PCDHB7: variants seen among roughly 807,000 people sequenced by gnomAD.
PCDHB7 encodes the protein protocadherin beta 7, also known as protocadherin beta-7.
For synonymous variants in PCDHB7, 542 were observed against 463.1 expected (o/e 1.17, Z -2.19); for missense variants, 1,148 against 1,011.6 (o/e 1.13, Z -1.83).
rs1753380773 is a variant in PCDHB7 at position 141,176,312 on chromosome 5, A to C, written c.*1095A>C. 1 of 167,270 alleles carries C rather than the reference A, an allele frequency of 6.0e-6. No individual in the cohort carries two copies. The highest frequency in any genetic ancestry group is 1.5e-5 in the Non-Finnish European group (1 of 68,130). 10.4% of individuals were successfully genotyped at this position (167,270 alleles called of 1,614,324 possible). A position where few individuals can be genotyped will look rare whatever the true frequency, so the allele number is the denominator to read the frequency against. ...AAAGAATAGTTAGTTTTAAATGCAT[A>C]ATATCAAAGAGAATCATAGATGATC... On this transcript the variant is annotated 3_prime_UTR_variant, in exon 1 of 1. Coordinates refer to ENST00000231137, the MANE Select transcript of PCDHB7 (RefSeq NM_018940.4).
chr5:141,173,141 T>A lies in PCDHB7; in HGVS notation c.306T>A (p.Cys102Ter). 6.2e-7 allele frequency: 1 copy of A among 1,614,184 alleles called. No homozygotes were observed. The highest frequency in any genetic ancestry group is 2.2e-5 in the East Asian group (1 of 44,888). ...REELCGPREP[C>*]VLPFQLLLEK... is the part of the protein sequence containing the mutation. The stretch of plus-strand genomic sequence containing the variant: ...AACTGTGTGGCCCCAGAGAGCCCTG[T>A]GTGCTGCCTTTCCAGTTGTTATTGG... The change falls in exon 1 of 1, where the codon TGT becomes TGA. Residue 102 changes from cysteine (C) to a stop codon, truncating the protein, a stop_gained. Transcript: ENST00000231137. LOFTEE classifies it low-confidence loss of function (END_TRUNC).
In PCDHB7 at chr5:141,173,706, A is replaced by T. The variant is rs1239021035; in HGVS notation, c.871A>T (p.Thr291Ser). Residue 291 changes from threonine (T) to serine (S), a missense_variant, in exon 1 of 1, where the codon ACG becomes TCG. By Grantham distance (58) the Thr-to-Ser change is moderately conservative (BLOSUM62 1). Transcript: ENST00000231137. ...FSYATERILKTFQINPTSGSL... is the reference protein window; with the variant it reads ...FSYATERILKSFQINPTSGSL... Reference sequence around the variant, plus strand: ...TTACGCCACTGAAAGAATTCTCAAAACGTTTCAAATCAATCCAACATCTGG... The same window carrying T: ...TTACGCCACTGAAAGAATTCTCAAATCGTTTCAAATCAATCCAACATCTGG... 6.2e-7 allele frequency: 1 copy of T among 1,614,072 alleles called. No individual in the cohort carries two copies. The highest frequency in any genetic ancestry group is 8.5e-7 in the Non-Finnish European group (1 of 1,179,976).
Position 141,173,810 on chromosome 5 carries a change from C to T in PCDHB7, c.975C>T (p.Gly325=), listed in dbSNP as rs377301268. Residue 325 remains glycine, a synonymous_variant, in exon 1 of 1, where the codon GGC becomes GGT. Transcript: ENST00000231137. The part of the protein sequence containing the change: ...YTLTIQAKDG[G]GLSGKCTVVV... Reference sequence around the variant, plus strand: ...TAACTATTCAGGCCAAAGACGGCGGCGGGCTTTCTGGAAAATGCACTGTAG... The same window carrying T: ...TAACTATTCAGGCCAAAGACGGCGGTGGGCTTTCTGGAAAATGCACTGTAG... The T allele has an allele frequency of 6.2e-7, 1 of 1,614,182 alleles. No individual in the cohort carries two copies. Among genetic ancestry groups the T allele is most frequent in the Non-Finnish European group, 8.5e-7 (1 of 1,180,038 alleles).
Position 141,174,800 on chromosome 5 carries a change from C to A in PCDHB7, c.1965C>A (p.Thr655=), listed in dbSNP as rs17844474. 2.7e-5 allele frequency: 43 copies of A among 1,611,472 alleles called. No homozygotes were observed. In the East Asian group the frequency reaches 4.2e-4, roughly 16 times the overall value. The change falls in exon 1 of 1, where the codon ACC becomes ACA. Residue 655 remains threonine (T), a synonymous_variant. Coordinates refer to ENST00000231137, the MANE Select transcript of PCDHB7 (RefSeq NM_018940.4). The stretch of plus-strand genomic sequence containing the variant: ...ATGGCGAGCCTCCGCGCTCGGCCAC[C>A]GCCACGCTGCACGTGCTCCTGGTGG... ...KDNGEPPRSA[T]ATLHVLLVDG...
rs201552339 is a variant in PCDHB7 at position 141,173,850 on chromosome 5, G to A, written c.1015G>A (p.Asp339Asn). The A allele has an allele frequency of 1.9e-6, 3 of 1,614,100 alleles. No individual in the cohort carries two copies. The Admixed American group carries it at 5.0e-5, about 27-fold the overall frequency. Residue 339 changes from aspartate to asparagine, a missense_variant, in exon 1 of 1, where the codon GAT (aspartate) becomes AAT (asparagine). Physicochemically the swap from Asp to Asn is conservative, Grantham distance 23. Coordinates refer to ENST00000231137, the MANE Select transcript of PCDHB7 (RefSeq NM_018940.4). ...GKCTVVVDVT[D>N]INDNRPELLL... ...ATGCACTGTAGTGGTTGATGTAACA[G>A]ATATAAACGATAATCGACCCGAGCT... is the stretch of plus-strand genomic sequence containing the variant.
chr5:141,173,982 T>C lies in PCDHB7; in HGVS notation c.1147T>C (p.Cys383Arg). 2 of 1,614,128 alleles carry C rather than the reference T, an allele frequency of 1.2e-6. No homozygotes were observed. Among genetic ancestry groups the C allele is most frequent in the South Asian group, 2.2e-5 (2 of 91,068 alleles). Residue 383 changes from cysteine to arginine, a missense_variant, in exon 1 of 1, where the codon TGC (cysteine) becomes CGC (arginine). Cys to Arg is a radical substitution (Grantham distance 180, BLOSUM62 -3). Coordinates refer to ENST00000231137, the MANE Select transcript of PCDHB7 (RefSeq NM_018940.4). ...TTCCGGGAACAATGGAAAGACAGTG[T>C]GCTCCATCCAGGACGATGTCCCCTT... Reference protein sequence around the residue: ...RDSGNNGKTVCSIQDDVPFIL... With the variant: ...RDSGNNGKTVRSIQDDVPFIL...
chr5:141,174,288 C>T lies in PCDHB7; in HGVS notation c.1453C>T (p.Gln485Ter), dbSNP rs1753307397. The T allele has an allele frequency of 6.2e-7, 1 of 1,612,502 alleles. No homozygotes were observed. Among genetic ancestry groups the T allele is most frequent in the Non-Finnish European group, 8.5e-7 (1 of 1,179,604 alleles). ...ATDRDSGTNA[Q>*]VIYSLLPSQD... ...AGACAGAGACTCGGGCACCAACGCC[C>T]AGGTCATCTACTCCCTGCTGCCGTC... Residue 485 changes from glutamine to a stop codon, truncating the protein, a stop_gained, in exon 1 of 1, where the codon CAG becomes TAG. Coordinates refer to ENST00000231137, the MANE Select transcript of PCDHB7 (RefSeq NM_018940.4). LOFTEE classifies it low-confidence loss of function (END_TRUNC).
rs1434499341 is a variant in PCDHB7, at chr5:141,174,017, G to A, written c.1182G>A (p.Lys394=). ...SIQDDVPFIL[K]PSVENFYTLV... ...AGGACGATGTCCCCTTCATCCTGAA[G>A]CCATCTGTCGAAAACTTCTATACTC... Residue 394 remains lysine, a synonymous_variant, in exon 1 of 1, where the codon AAG becomes AAA. Coordinates refer to ENST00000231137, the MANE Select transcript of PCDHB7 (RefSeq NM_018940.4). 6.8e-6 allele frequency: 11 copies of A among 1,614,186 alleles called. No homozygotes were observed. The Admixed American group carries it at 8.3e-5, about 12-fold the overall frequency.
chr5:141,173,316 G>T lies in PCDHB7; in HGVS notation c.481G>T (p.Asp161Tyr), dbSNP rs201503235. The T allele has an allele frequency of 1.9e-4, 311 of 1,613,974 alleles. No individual in the cohort carries two copies. The highest frequency in any genetic ancestry group is 1.3e-4 in the Non-Finnish European group (153 of 1,179,996). Reference protein sequence around the residue: ...AFLLESAQDSDVGTNSLSNYT... With the variant: ...AFLLESAQDSYVGTNSLSNYT... ...TCTCCTAGAGAGTGCACAGGATTCA[G>T]ATGTTGGAACCAACAGCCTGAGTAA... Residue 161 changes from aspartate to tyrosine, a missense_variant, in exon 1 of 1, where the codon GAT becomes TAT. Physicochemically the swap from Asp to Tyr is radical, Grantham distance 160 (BLOSUM62 -3). Transcript: ENST00000231137.
Position 141,173,869 on chromosome 5 carries a change from C to G in PCDHB7, c.1034C>G (p.Pro345Arg), listed in dbSNP as rs1554280075. 6.2e-7 allele frequency: 1 copy of G among 1,613,604 alleles called. No homozygotes were observed. The highest frequency in any genetic ancestry group is 1.7e-5 in the Admixed American group (1 of 59,970). Reference protein sequence around the residue: ...VDVTDINDNRPELLLSSLTSP... With the variant: ...VDVTDINDNRRELLLSSLTSP... ...GTAACAGATATAAACGATAATCGACCCGAGCTGCTCCTGTCTTCACTTACT... is the reference window on the plus strand; with the variant it reads ...GTAACAGATATAAACGATAATCGACGCGAGCTGCTCCTGTCTTCACTTACT... Residue 345 changes from proline (P) to arginine (R), a missense_variant, in exon 1 of 1, where the codon CCC becomes CGC. Pro to Arg is a moderately radical substitution (Grantham distance 103, BLOSUM62 -2). Transcript: ENST00000231137.
rs922251286 is a variant in PCDHB7, at chr5:141,173,613, A to G, written c.778A>G (p.Met260Val). The G allele has an allele frequency of 3.7e-6, 6 of 1,614,164 alleles. No individual in the cohort carries two copies. The African/African-American group carries it at 4.0e-5, about 11-fold the overall frequency. ...GCCCGAAAATAGCCCCGTTGGTTCCATGGTTGTCTCCGTGTCAGCCAGAGA... is the reference window on the plus strand; with the variant it reads ...GCCCGAAAATAGCCCCGTTGGTTCCGTGGTTGTCTCCGTGTCAGCCAGAGA... Reference protein sequence around the residue: ...QVPENSPVGSMVVSVSARDLD... With the variant: ...QVPENSPVGSVVVSVSARDLD... The change falls in exon 1 of 1, where the codon ATG becomes GTG. Residue 260 changes from methionine to valine, a missense_variant. Transcript: ENST00000231137.
rs1554280236 is a variant in PCDHB7, at chr5:141,174,419, G to A, written c.1584G>A (p.Glu528=). The A allele has an allele frequency of 3.7e-6, 6 of 1,612,066 alleles. No individual in the cohort carries two copies. Among genetic ancestry groups the A allele is most frequent in the Non-Finnish European group, 5.1e-6 (6 of 1,179,720 alleles). The change falls in exon 1 of 1, where the codon GAG becomes GAA. Residue 528 remains glutamate (E), a synonymous_variant. Transcript: ENST00000231137. Reference sequence around the variant, plus strand: ...ACTACGAGGCCCTGCAGGCGTTCGAGTTCCGCGTGGGCGCCACAGACCGCG... The same window carrying A: ...ACTACGAGGCCCTGCAGGCGTTCGAATTCCGCGTGGGCGCCACAGACCGCG... ...SLDYEALQAF[E]FRVGATDRGS...
In PCDHB7 at chr5:141,172,863, C is replaced by T; in HGVS notation, c.28C>T (p.Gln10Ter). 6.2e-7 allele frequency: 1 copy of T among 1,614,016 alleles called. No individual in the cohort carries two copies. Among genetic ancestry groups the T allele is most frequent in the Non-Finnish European group, 8.5e-7 (1 of 1,179,906 alleles). ...GGAGGCCAGAGTGGAGCGTGCTGTG[C>T]AGAAAAGGCAAGTCTTATTTCTTTG... MEARVERAVQKRQVLFLCVF... is the reference protein window; with the variant it reads MEARVERAV The change falls in exon 1 of 1, where the codon CAG becomes TAG. Residue 10 changes from glutamine (Q) to a stop codon, truncating the protein, a stop_gained. Coordinates refer to ENST00000231137, the MANE Select transcript of PCDHB7 (RefSeq NM_018940.4). LOFTEE classifies it low-confidence loss of function (END_TRUNC).
At position 141,173,496 on chromosome 5, in the gene PCDHB7, CCAA is replaced by C; in HGVS notation, c.662_664del (p.Pro221del). The C allele has an allele frequency of 1.2e-6, 2 of 1,614,160 alleles. No homozygotes were observed. The highest frequency in any genetic ancestry group is 1.7e-6 in the Non-Finnish European group (2 of 1,180,024). On this transcript the variant is annotated inframe_deletion, in exon 1 of 1. Transcript: ENST00000231137. ...CACCGCTTTAGACGGCGGCTCTCCT[CCAA>C]GATCAGGGACCGCCCTCGTGCGCAT...
Position 141,172,764 on chromosome 5 carries a change from T to TTGTGAGAG in PCDHB7, c.-72_-71insTGTGAGAG. 3.2e-6 allele frequency: 4 copies of TTGTGAGAG among 1,268,318 alleles called. No homozygotes were observed. Among genetic ancestry groups the TTGTGAGAG allele is most frequent in the Non-Finnish European group, 4.5e-6 (4 of 893,058 alleles). The allele number at this position is 1,268,318 out of a possible 1,614,324, so 78.6% of individuals were successfully genotyped here. On this transcript the variant is annotated 5_prime_UTR_variant, in exon 1 of 1. An upstream open reading frame in the 5' UTR loses its in-frame stop. Coordinates refer to ENST00000231137, the MANE Select transcript of PCDHB7 (RefSeq NM_018940.4). ...TATTATTCAGCTCATTTCAAAGGAT[T>TTGTGAGAG]CCGCTGCTGCCATTTGTGAGAGCCG...
rs1753362302 is a variant in PCDHB7 at position 141,175,584 on chromosome 5, T to A, written c.*367T>A. ...TCTCAGAAGCATAGACTGTAGAGTATCTTTTTAAGCATTTTTAAAAAATGC... is the reference window on the plus strand; with the variant it reads ...TCTCAGAAGCATAGACTGTAGAGTAACTTTTTAAGCATTTTTAAAAAATGC... On this transcript the variant is annotated 3_prime_UTR_variant, in exon 1 of 1. Coordinates refer to ENST00000231137, the MANE Select transcript of PCDHB7 (RefSeq NM_018940.4). 1 of 248,110 alleles carries A rather than the reference T, an allele frequency of 4.0e-6. No homozygotes were observed. The highest frequency in any genetic ancestry group is 2.4e-5 in the African/African-American group (1 of 42,494). 15.4% of individuals were successfully genotyped at this position (248,110 alleles called of 1,614,324 possible).
rs1554280028 is a variant in PCDHB7 at position 141,173,591 on chromosome 5, C to A, written c.756C>A (p.Pro252=). Residue 252 remains proline, a synonymous_variant, in exon 1 of 1, where the codon CCC becomes CCA. Transcript: ENST00000231137. ...FVRSLYKVQV[P]ENSPVGSMVV... ...GGTCGCTCTACAAGGTGCAGGTGCCCGAAAATAGCCCCGTTGGTTCCATGG... is the reference window on the plus strand; with the variant it reads ...GGTCGCTCTACAAGGTGCAGGTGCCAGAAAATAGCCCCGTTGGTTCCATGG... 1 of 1,614,018 alleles carries A rather than the reference C, an allele frequency of 6.2e-7. No individual in the cohort carries two copies. Among genetic ancestry groups the A allele is most frequent in the Non-Finnish European group, 8.5e-7 (1 of 1,180,010 alleles).
In PCDHB7 at chr5:141,174,162, G is replaced by A. The variant is rs376560189; in HGVS notation, c.1327G>A (p.Asp443Asn). 60 of 1,613,714 alleles carry A rather than the reference G, an allele frequency of 3.7e-5. No individual in the cohort carries two copies. Among genetic ancestry groups the A allele is most frequent in the Non-Finnish European group, 4.6e-5 (54 of 1,180,062 alleles). ...GCACAACATAACCGTGCTGGTCTCC[G>A]ACGTCAATGACAACGCTCCCGCCTT... ...TEHNITVLVS[D>N]VNDNAPAFTQ... is the part of the protein sequence containing the mutation. Residue 443 changes from aspartate (D) to asparagine (N), a missense_variant, in exon 1 of 1, where the codon GAC (aspartate) becomes AAC (asparagine). By Grantham distance (23) the Asp-to-Asn change is conservative. Transcript: ENST00000231137.
Position 141,174,579 on chromosome 5 carries a change from C to A in PCDHB7, c.1744C>A (p.Pro582Thr). Residue 582 changes from proline (P) to threonine (T), a missense_variant, in exon 1 of 1, where the codon CCG becomes ACG. Transcript: ENST00000231137. ...CTEPLPRAAEPGYLVTKVVAV... is the reference protein window; with the variant it reads ...CTEPLPRAAETGYLVTKVVAV... ...CGAGCCGTTGCCCCGGGCGGCCGAG[C>A]CGGGCTACCTGGTGACCAAGGTGGT... 1 of 1,610,314 alleles carries A rather than the reference C, an allele frequency of 6.2e-7. No individual in the cohort carries two copies. The highest frequency in any genetic ancestry group is 8.5e-7 in the Non-Finnish European group (1 of 1,179,606).
Sources: allele counts gnomAD v4.1 joint callset, GRCh38; gene constraint gnomAD v4.1.1; transcripts MANE v1.5; gene names NCBI Gene and HGNC (gene_info 2026-07-23, HGNC 2026-07-21).